Variants in DDAH1 observed in about 807,000 individuals in gnomAD.
DDAH1 encodes the protein N(G),N(G)-dimethylarginine dimethylaminohydrolase 1.
A neutral mutation model predicts 28.8 loss-of-function variants in DDAH1; 19 were observed. The ratio of observed to expected loss-of-function variants is 0.66; its 90% CI spans 0.46 to 0.97. The LOEUF (loss-of-function observed/expected upper bound fraction) is 0.97. Among genes scored for constraint, DDAH1 ranks in the 50% least tolerant of loss-of-function variants. The pLI, the probability that DDAH1 is intolerant of heterozygous loss-of-function variation, is 0.00. For synonymous variants in DDAH1, 153 were observed against 154.4 expected, an observed-to-expected ratio of 0.99 and a Z score of 0.07; for missense variants, 326 against 375.9, an observed-to-expected ratio of 0.87 and a Z score of 1.10.
chr1:85,460,733 T>A (rs986933606), intron 1 of DDAH1, among the ~76,000 whole-genome samples: 1 of 152,216 alleles, frequency 6.6e-6, no homozygotes, highest in Non-Finnish European at 1.5e-5. Flanking sequence ...AAATTGGCAT[T>A]AGTAGTTGCC....
intron 1 of DDAH1, among the ~76,000 whole-genome samples, chr1:85,437,416 C>G (rs1399377152): frequency 6.6e-6 from 1 of 152,174 alleles, no homozygotes; most frequent in African/African-American, 2.4e-5. Flanking sequence ...ACCCCTGAGA[C>G]AGCAAGATCG....
intron 4 of DDAH1, among the ~76,000 whole-genome samples, chr1:85,340,476 T>C (rs1469341063): frequency 1.3e-5 from 2 of 152,198 alleles, no homozygotes; most frequent in East Asian, 3.8e-4. Context: ...AGGAGTTCTG[T>C]AATTATCTTC....
intron 2 of DDAH1, among the ~76,000 whole-genome samples, chr1:85,492,010 C>T (rs1278556236): frequency 1.3e-5 from 2 of 152,164 alleles, no homozygotes; most frequent in African/African-American, 4.8e-5. Context: ...TAACACTTAA[C>T]ATACATTATC....
intron 1 of DDAH1, among the ~76,000 whole-genome samples, chr1:85,541,103 A>C (rs1001178899): frequency 6.6e-6 from 1 of 152,114 alleles, no homozygotes; most frequent in African/African-American, 2.4e-5. Flanking sequence ...TTGTCACGTC[A>C]CCAAGCATGT....
intron 2 of DDAH1, among the ~76,000 whole-genome samples, chr1:85,470,908 G>C (rs1050563031): frequency 2.0e-5 from 3 of 152,162 alleles, no homozygotes; most frequent in South Asian, 2.1e-4. Flanking sequence ...AGTGGATAAG[G>C]CATGGGTTTT....
chr1:85,515,206 A>G (rs567540880), intron 1 of DDAH1, among the ~76,000 whole-genome samples: 134 of 151,270 alleles, frequency 8.9e-4, no homozygotes, highest in African/African-American at 3.1e-3. Flanking sequence ...CCTGGCCAAC[A>G]TGGTGAAACC....
chr1:85,472,104 C>G (rs917717184), intron 2 of DDAH1, among the ~76,000 whole-genome samples: 2 of 152,198 alleles, frequency 1.3e-5, no homozygotes, highest in Non-Finnish European at 2.9e-5. Flanking sequence ...AAAAATATTA[C>G]TCCAACTTTC....
At chr1:85,505,531 A>G (rs1196002414) in intron 1 of DDAH1, among the ~76,000 whole-genome samples, 1 of 152,186 alleles carries the variant, frequency 6.6e-6, no homozygotes, top group African/African-American at 2.4e-5. Context: ...ATAGGAATTG[A>G]TGTCCCGAGG....
intron 1 of DDAH1, among the ~76,000 whole-genome samples, chr1:85,516,030 G>A (rs1657457848): frequency 6.6e-6 from 1 of 152,030 alleles, no homozygotes; most frequent in African/African-American, 2.4e-5. Context: ...TTGTTTCTGT[G>A]TTGTTTGTGT....
chr1:85,375,855 A>T (rs1328804073), intron 1 of DDAH1, among the ~76,000 whole-genome samples: 2 of 152,196 alleles, frequency 1.3e-5, no homozygotes, highest in African/African-American at 4.8e-5. Context: ...ACCAGTTTAA[A>T]GAAAAAGGTC....
intron 1 of DDAH1, among the ~76,000 whole-genome samples, chr1:85,421,317 A>T (rs1044848975): frequency 2.6e-5 from 4 of 152,192 alleles, no homozygotes; most frequent in Non-Finnish European, 5.9e-5. Context: ...TTTTAATCTT[A>T]CAAATTCCAC....
At chr1:85,468,214 C>T (rs968737415), upstream of DDAH1, among the ~76,000 whole-genome samples, 106 of 152,326 alleles carry the variant, frequency 7.0e-4, no homozygotes, top group African/African-American at 2.4e-3. Context: ...AAGTCTAGCA[C>T]AGATGTTCCT....
At chr1:85,550,087 A>G (rs1002098993) in intron 1 of DDAH1, among the ~76,000 whole-genome samples, 2 of 152,222 alleles carry the variant, frequency 1.3e-5, no homozygotes, top group East Asian at 1.9e-4. Context: ...GGAAATTGCA[A>G]GTCAAATTAC....
chr1:85,454,985 T>C (rs1056024138), intron 1 of DDAH1, among the ~76,000 whole-genome samples: 1 of 152,146 alleles, frequency 6.6e-6, no homozygotes, highest in African/African-American at 2.4e-5. Context: ...ATCCCAACTG[T>C]GTATTTTTCA....
chr1:85,480,361 A>G (rs867528605), intron 2 of DDAH1, among the ~76,000 whole-genome samples: 3 of 152,220 alleles, frequency 2.0e-5, no homozygotes, highest in African/African-American at 7.2e-5. Flanking sequence ...ATAACTTTTC[A>G]ATTCAATACT....
At chr1:85,474,486 A>T (rs747486743) in intron 2 of DDAH1, among the ~76,000 whole-genome samples, 1 of 151,908 alleles carries the variant, frequency 6.6e-6, no homozygotes, top group Non-Finnish European at 1.5e-5. Flanking sequence ...CATTTCCTGG[A>T]ATGTGTGTGG....
intron 1 of DDAH1, chr1:85,379,684 T>C (rs997251): frequency 0.37 from 360,386 of 984,848 alleles, 67,409 homozygotes; most frequent in South Asian, 0.41. Flanking sequence ...TTGTTGACCT[T>C]ATATTCACTG....
chr1:85,577,707 A>G (rs549813683), intron 1 of DDAH1, among the ~76,000 whole-genome samples: 1 of 152,130 alleles, frequency 6.6e-6, no homozygotes, highest in East Asian at 1.9e-4. Context: ...TGGAGTCGCC[A>G]GATTTACCGT....
At chr1:85,449,392 T>C (rs1654568384) in intron 1 of DDAH1, among the ~76,000 whole-genome samples, 1 of 152,088 alleles carries the variant, frequency 6.6e-6, no homozygotes, top group African/African-American at 2.4e-5. Context: ...GGGGTCAAGA[T>C]GTAAACCCAG....
Sources: allele counts gnomAD v4.1 joint callset (sites outside exome capture counted in the v4.1 genomes callset), GRCh38; gene constraint gnomAD v4.1.1; transcripts MANE v1.5; gene names NCBI Gene and HGNC (gene_info 2026-07-23, HGNC 2026-07-21).